The following CEP112 variants were observed in gnomAD, a reference collection of about 807,000 sequenced individuals.
CEP112 encodes the protein centrosomal protein 112.
Under a neutral mutation model 153.0 loss-of-function variants are expected in CEP112, and 127 were observed. That is an observed-to-expected ratio of 0.83 (90% confidence interval 0.72 to 0.96). The LOEUF is 0.96. CEP112 is among the 40% of genes least tolerant of loss of function. The pLI is 0.00. For missense variants in CEP112, 1,089 were observed against 1,101.2 expected (o/e 0.99, Z 0.16); for synonymous variants, 358 against 374.4 (o/e 0.96, Z 0.51).
intron 24 of CEP112, among the ~76,000 whole-genome samples, chr17:65,682,377 T>A (rs1366880590): frequency 1.3e-5 from 2 of 150,412 alleles, no homozygotes; most frequent in Non-Finnish European, 3.0e-5. Context: ...CTTCCGTATT[T>A]CTCTTGTGAC....
chr17:66,006,017 A>G (rs543416562), intron 16 of CEP112, among the ~76,000 whole-genome samples: 1 of 152,346 alleles, frequency 6.6e-6, no homozygotes, highest in African/African-American at 2.4e-5. Flanking sequence ...TTCATAACTT[A>G]AAAGAAAATA....
intron 21 of CEP112, among the ~76,000 whole-genome samples, chr17:65,788,699 T>C (rs9303489): frequency 0.61 from 93,472 of 152,002 alleles, 29,350 homozygotes; most frequent in Non-Finnish European, 0.67. Context: ...TTTTCTATGT[T>C]TTTTGACTCA....
chr17:66,154,884 C>A (rs985421483), intron 4 of CEP112, among the ~76,000 whole-genome samples: 2 of 152,088 alleles, frequency 1.3e-5, no homozygotes, highest in African/African-American at 4.8e-5. Context: ...AGAGGTGTGA[C>A]CTTTAAGAGG....
intron 18 of CEP112, among the ~76,000 whole-genome samples, chr17:65,944,747 G>T (rs1430860328): frequency 6.6e-6 from 1 of 151,754 alleles, no homozygotes. Context: ...ATGCCATTTT[G>T]TCCAGATAAT....
At chr17:65,710,816 G>A (rs923566742) in intron 23 of CEP112, among the ~76,000 whole-genome samples, 4 of 152,160 alleles carry the variant, frequency 2.6e-5, no homozygotes, top group East Asian at 1.9e-4. Flanking sequence ...CTGCGTCCCC[G>A]CTCTTTTCTA....
At chr17:65,829,330 C>A (rs1398391679) in intron 21 of CEP112, among the ~76,000 whole-genome samples, 2 of 152,060 alleles carry the variant, frequency 1.3e-5, no homozygotes, top group Admixed American at 6.6e-5. Context: ...GCAAACCAGG[C>A]CCATAGAGAA....
Position 65,820,914 on chromosome 17 carries a change from T to C in CEP112, c.2394+30890A>G, listed in dbSNP as rs28478939. 3.1e-3 allele frequency among the ~76,000 whole-genome samples: 479 copies of C among 152,256 alleles called. 3 individuals carry two copies. Among genetic ancestry groups the C allele is most frequent in the African/African-American group, 0.011 (454 of 41,574 alleles). ...CTGATGTTTGATGAGATATTTTCCATGACCCGGGGTTGCTTCCTTAGAGTA... is the reference window on the plus strand; with the variant it reads ...CTGATGTTTGATGAGATATTTTCCACGACCCGGGGTTGCTTCCTTAGAGTA... On this transcript the variant is annotated intron_variant, in intron 21 of 26. Coordinates refer to ENST00000535342, the MANE Select transcript of CEP112 (RefSeq NM_001199165.4).
intron 4 of CEP112, among the ~76,000 whole-genome samples, chr17:66,133,663 C>T (rs1004570859): frequency 2.0e-5 from 3 of 152,118 alleles, no homozygotes; most frequent in African/African-American, 4.8e-5. Context: ...ATTATGAACA[C>T]CTATTCTCTG....
chr17:66,055,684 T>C (rs938211672), intron 11 of CEP112, among the ~76,000 whole-genome samples: 2 of 152,208 alleles, frequency 1.3e-5, no homozygotes, highest in African/African-American at 4.8e-5. Flanking sequence ...CTCATGTGTC[T>C]TCCACAGTTG....
chr17:66,037,637 TAAC>T (rs1039250977), intron 12 of CEP112, among the ~76,000 whole-genome samples: 48 of 152,232 alleles, frequency 3.2e-4, no homozygotes, highest in African/African-American at 1.1e-3. Context: ...TGTCTTTCCG[TAAC>T]AACAATTCTT....
intron 23 of CEP112, among the ~76,000 whole-genome samples, chr17:65,742,086 A>G (rs1343149739): frequency 6.6e-6 from 1 of 151,948 alleles, no homozygotes; most frequent in Non-Finnish European, 1.5e-5. Context: ...AAGGCTTTTT[A>G]TTCTATCTAG....
At chr17:65,944,205 A>G (rs2061583940) in intron 18 of CEP112, among the ~76,000 whole-genome samples, 1 of 152,156 alleles carries the variant, frequency 6.6e-6, no homozygotes, top group Admixed American at 6.5e-5. Flanking sequence ...ATAAATAGCT[A>G]ATGCATGTGG....
intron 21 of CEP112, among the ~76,000 whole-genome samples, chr17:65,756,034 G>C (rs954062460): frequency 6.6e-6 from 1 of 152,156 alleles, no homozygotes; most frequent in Non-Finnish European, 1.5e-5. Flanking sequence ...AGAGGTCTAA[G>C]TATACTCAGC....
chr17:66,058,786 AG>A, intron 11 of CEP112, among the ~76,000 whole-genome samples: 1 of 152,310 alleles, frequency 6.6e-6, no homozygotes, highest in East Asian at 1.9e-4. Context: ...CAGGAGCTCA[AG>A]GCTGTGGTGA....
At chr17:65,674,940 G>C (rs972639363) in intron 24 of CEP112, among the ~76,000 whole-genome samples, 2 of 152,108 alleles carry the variant, frequency 1.3e-5, no homozygotes, top group Non-Finnish European at 2.9e-5. Flanking sequence ...CCAAGACATA[G>C]GTCCAACAGA....
intron 6 of CEP112, among the ~76,000 whole-genome samples, chr17:66,125,365 T>C (rs1251485828): frequency 6.6e-6 from 1 of 152,062 alleles, no homozygotes; most frequent in Non-Finnish European, 1.5e-5. Flanking sequence ...TAGTATGAAA[T>C]GGACAGGAGT....
At chr17:65,644,218 T>G in intron 24 of CEP112, 2 of 660,428 alleles carry the variant, frequency 3.0e-6, no homozygotes, top group Non-Finnish European at 5.5e-6. Flanking sequence ...TGGCCATAGC[T>G]GGGGGAACTG....
chr17:65,694,504 A>G (rs1445837615), intron 23 of CEP112, among the ~76,000 whole-genome samples: 1 of 152,238 alleles, frequency 6.6e-6, no homozygotes, highest in Admixed American at 6.5e-5. Flanking sequence ...ATAAAGATGT[A>G]AAGTGTGATC....
rs7212239 is a variant in CEP112, at chr17:65,934,352, C to G, written c.1873-6663G>C. ...AGTAGAAGATGTTTTATGTAAGTTG[C>G]ATGGTAACCACAAAGTAAAAACCTA... On this transcript the variant is annotated intron_variant, in intron 18 of 26. Coordinates refer to ENST00000535342, the MANE Select transcript of CEP112 (RefSeq NM_001199165.4). Among the ~76,000 whole-genome samples the G allele has an allele frequency of 1.3e-3, 195 of 152,204 alleles. 3 individuals are homozygous for G. Among genetic ancestry groups the G allele is most frequent in the African/African-American group, 4.5e-3 (185 of 41,522 alleles).
Sources: gnomAD v4.1 joint callset for allele counts (sites outside exome capture counted in the v4.1 genomes callset) on GRCh38, gnomAD v4.1.1 for gene constraint, MANE v1.5 for transcripts, NCBI Gene and HGNC (gene_info 2026-07-23, HGNC 2026-07-21) for gene names.